Variants in SNX25 observed in about 807,000 individuals in gnomAD.
The protein encoded by SNX25 is sorting nexin-25.
Under a neutral mutation model 113.7 loss-of-function variants are expected in SNX25, and 62 were observed. That is an observed-to-expected ratio of 0.55 (90% CI 0.44 to 0.67). SNX25 has a LOEUF of 0.67. Among genes scored for constraint, SNX25 ranks in the 30% least tolerant of loss-of-function variants. The pLI is 0.00. For synonymous variants in SNX25, 421 were observed against 436.2 expected, an observed-to-expected ratio of 0.97 and a Z score of 0.43; for missense variants, 1,014 against 1,161.0, an observed-to-expected ratio of 0.87 and a Z score of 1.84.
rs757325527 is a variant in SNX25, at chr4:185,232,705, T to G, written c.430-14589T>G. Among the ~76,000 whole-genome samples, 3 of 152,352 alleles carry G rather than the reference T, an allele frequency of 2.0e-5. No individual in the cohort carries two copies. The highest frequency in any genetic ancestry group is 4.4e-5 in the Non-Finnish European group (3 of 68,042). The stretch of plus-strand genomic sequence containing the variant: ...CCAGTTGTTGAGTTACAGGACAGCT[T>G]TAAAGCAGGGGCAGCTCTTCTGGTT... On this transcript the variant is annotated intron_variant, in intron 1 of 18. Transcript: ENST00000652585. This position sits in a 1 kb window ranked among gnomAD's most constrained non-coding sequence, Gnocchi z 4.4.
downstream of SNX25, chr4:185,370,867 T>G (rs1278723564): frequency 8.8e-6 from 14 of 1,582,772 alleles, no homozygotes; most frequent in African/African-American, 1.7e-4. Flanking sequence ...TGGTAAGTGT[T>G]TGTAAAACGA....
chr4:185,372,441 A>G (rs952100314), downstream of SNX25, among the ~76,000 whole-genome samples: 1 of 152,238 alleles, frequency 6.6e-6, no homozygotes, highest in East Asian at 1.9e-4. Context: ...CAAGTGCTCA[A>G]TAGCTATCAT....
chr4:185,361,388 G>T (rs1233707005), intron 16 of SNX25, among the ~76,000 whole-genome samples: 1 of 152,154 alleles, frequency 6.6e-6, no homozygotes, highest in African/African-American at 2.4e-5. Context: ...ATTTGGAGAA[G>T]TTAGTGCCAA....
In SNX25 at chr4:185,222,562, C is replaced by T. The variant is rs369762092; in HGVS notation, c.429+12307C>T. Among the ~76,000 whole-genome samples, 20 of 152,316 alleles carry T rather than the reference C, an allele frequency of 1.3e-4. No individual in the cohort carries two copies. The South Asian group carries it at 4.1e-3, about 32-fold the overall frequency. On this transcript the variant is annotated intron_variant, in intron 1 of 18. Coordinates refer to ENST00000652585, the MANE Select transcript of SNX25 (RefSeq NM_001378034.2). ...CTATATCCCCTTCGTGGTAGCTATACAGCGGCATATACCGCTCCTTCACTG... is the reference window on the plus strand; with the variant it reads ...CTATATCCCCTTCGTGGTAGCTATATAGCGGCATATACCGCTCCTTCACTG...
chr4:185,290,406 G>A (rs1030179514), intron 6 of SNX25, among the ~76,000 whole-genome samples: 5 of 152,180 alleles, frequency 3.3e-5, no homozygotes, highest in South Asian at 2.1e-4. Context: ...AACAAACTAA[G>A]CACTCTTGGG....
chr4:185,263,131 A>G (rs1269482699), intron 3 of SNX25, among the ~76,000 whole-genome samples: 1 of 152,188 alleles, frequency 6.6e-6, no homozygotes, highest in Non-Finnish European at 1.5e-5. Context: ...TCTGAGTACC[A>G]GGCTCCTTTA....
At chr4:185,374,337 G>C (rs755958077), downstream of SNX25, 1 of 1,614,010 alleles carries the variant, frequency 6.2e-7, no homozygotes, top group South Asian at 1.1e-5. Context: ...TTCCTCATTT[G>C]ATCGTTTAAC....
At position 185,260,636 on chromosome 4, in the gene SNX25, T is replaced by C. The variant is rs139535751; in HGVS notation, c.731+1572T>C. On this transcript the variant is annotated intron_variant, in intron 3 of 18. Coordinates refer to ENST00000652585, the MANE Select transcript of SNX25 (RefSeq NM_001378034.2). ...AGTGCAAGAGTACACAGGACACTTT[T>C]CCTTAGCCACGGGAGTGATGATGCC... Among the ~76,000 whole-genome samples the C allele has an allele frequency of 6.7e-4, 102 of 152,378 alleles. No homozygotes were observed. In the East Asian group the frequency reaches 0.014, roughly 20 times the overall value.
At chr4:185,249,184 A>G (rs1228001189) in intron 2 of SNX25, among the ~76,000 whole-genome samples, 6 of 152,140 alleles carry the variant, frequency 3.9e-5, no homozygotes, top group African/African-American at 1.4e-4. Flanking sequence ...GAGCCATAGG[A>G]TAGTTGTATT....
At chr4:185,368,331 G>A (rs543025498), downstream of SNX25, among the ~76,000 whole-genome samples, 10 of 152,268 alleles carry the variant, frequency 6.6e-5, no homozygotes, top group South Asian at 2.1e-3. Flanking sequence ...TGGCAGAGCC[G>A]AGAGCAGGCC....
At chr4:185,286,198 T>C (rs1751326191) in intron 5 of SNX25, among the ~76,000 whole-genome samples, 1 of 152,010 alleles carries the variant, frequency 6.6e-6, no homozygotes, top group Non-Finnish European at 1.5e-5. Flanking sequence ...TCACTGAGAC[T>C]TTGAACTCCT....
Position 185,210,942 on chromosome 4 carries a change from G to A in SNX25, c.429+687G>A, listed in dbSNP as rs796159465. ...GGAAAGAACAGTGTTTTAAATGAGC[G>A]CTTCTCTTCTTCAGTGCCAAACCCA... On this transcript the variant is annotated intron_variant, in intron 1 of 18. Transcript: ENST00000652585. The surrounding 1 kb of genome is among the most constrained non-coding windows in gnomAD (Gnocchi z 4.4). Among the ~76,000 whole-genome samples, 2 of 152,070 alleles carry A rather than the reference G, an allele frequency of 1.3e-5. No homozygotes were observed. Among genetic ancestry groups the A allele is most frequent in the African/African-American group, 4.8e-5 (2 of 41,392 alleles).
intron 3 of SNX25, among the ~76,000 whole-genome samples, chr4:185,259,940 CTCT>C (rs1310888280): frequency 6.6e-6 from 1 of 152,064 alleles, no homozygotes; most frequent in Non-Finnish European, 1.5e-5. Flanking sequence ...CTTCCTGGGA[CTCT>C]TCTTCCCTCC....
intron 5 of SNX25, among the ~76,000 whole-genome samples, chr4:185,272,734 A>G (rs1276867074): frequency 6.6e-6 from 1 of 152,176 alleles, no homozygotes; most frequent in Non-Finnish European, 1.5e-5. Context: ...CACCCTAATT[A>G]TTTGAAAACT....
At chr4:185,243,927 A>C (rs1210811271) in intron 1 of SNX25, among the ~76,000 whole-genome samples, 2 of 152,258 alleles carry the variant, frequency 1.3e-5, no homozygotes, top group African/African-American at 4.8e-5. Context: ...ATATGCATGT[A>C]CTGTCAGTCA....
chr4:185,354,965 C>T (rs1579912778), intron 15 of SNX25, among the ~76,000 whole-genome samples: 1 of 152,242 alleles, frequency 6.6e-6, no homozygotes, highest in Non-Finnish European at 1.5e-5. Flanking sequence ...TGGGCTCTGT[C>T]CGTTCACATC....
intron 5 of SNX25, among the ~76,000 whole-genome samples, chr4:185,278,647 A>C (rs1364473224): frequency 2.0e-5 from 3 of 152,184 alleles, no homozygotes; most frequent in African/African-American, 7.2e-5. Context: ...CTACAAGATA[A>C]TGTCTTATTT....
At chr4:185,262,009 A>C (rs1490557420) in intron 3 of SNX25, among the ~76,000 whole-genome samples, 1 of 152,186 alleles carries the variant, frequency 6.6e-6, no homozygotes, top group African/African-American at 2.4e-5. Context: ...TTTAATGGCA[A>C]ATATCTGTAT....
At chr4:185,303,280 T>C (rs1753966234) in intron 6 of SNX25, among the ~76,000 whole-genome samples, 1 of 152,176 alleles carries the variant, frequency 6.6e-6, no homozygotes, top group Non-Finnish European at 1.5e-5. Context: ...TGGATTTAAT[T>C]GCTATATTAT....
Sources: gnomAD v4.1 joint callset for allele counts (sites outside exome capture counted in the v4.1 genomes callset) on GRCh38, gnomAD v4.1.1 for gene constraint, Gnocchi (gnomAD v3.1) non-coding constraint, MANE v1.5 for transcripts, NCBI Gene and HGNC (gene_info 2026-07-23, HGNC 2026-07-21) for gene names.